The following FAM184B variants were observed in gnomAD, a reference collection of about 807,000 sequenced individuals.
The protein encoded by FAM184B is family with sequence similarity 184 member B, also known as protein FAM184B.
A neutral mutation model predicts 135.9 loss-of-function variants in FAM184B; 111 were observed. The observed-to-expected ratio is 0.82, with a 90% CI of 0.70 to 0.96. The LOEUF is 0.96. FAM184B is among the 40% of genes least tolerant of loss of function. The pLI is 0.00. For missense variants in FAM184B, 1,375 were observed against 1,323.9 expected, an observed-to-expected ratio of 1.04 and a Z score of -0.60; for synonymous variants, 552 against 524.8, an observed-to-expected ratio of 1.05 and a Z score of -0.71.
At chr4:17,702,735 C>T (rs1489796873) in intron 5 of FAM184B, among the ~76,000 whole-genome samples, 1 of 152,142 alleles carries the variant, frequency 6.6e-6, no homozygotes, top group Non-Finnish European at 1.5e-5. Context: ...GGACTCATGC[C>T]CCCTATTAAG....
At position 17,630,218 on chromosome 4, in the gene FAM184B, A is replaced by G. The variant is rs1328145148; in HGVS notation, c.*2314T>C. 6.6e-6 allele frequency: 1 copy of G among 152,172 alleles called. No homozygotes were observed. The highest frequency in any genetic ancestry group is 2.4e-5 in the African/African-American group (1 of 41,436). The allele number at this position is 152,172 out of a possible 1,614,324, so 9.4% of individuals were successfully genotyped here. ...AACCACCTGTATGTAGTCTTTTTGA[A>G]AGCACAAAATAAAGAGCAGTCCTAC... On this transcript the variant is annotated 3_prime_UTR_variant, in exon 18 of 18. Coordinates refer to ENST00000265018, the MANE Select transcript of FAM184B (RefSeq NM_015688.2).
intron 1 of FAM184B, among the ~76,000 whole-genome samples, chr4:17,768,720 T>C (rs1560197475): frequency 6.6e-6 from 1 of 152,234 alleles, no homozygotes; most frequent in Non-Finnish European, 1.5e-5. Flanking sequence ...TTTTTCCTAC[T>C]TTTCTTGCCT....
Position 17,633,835 on chromosome 4 carries a change from G to C in FAM184B, c.2943C>G (p.Ala981=), listed in dbSNP as rs1321877254. 16 of 1,551,448 alleles carry C rather than the reference G, an allele frequency of 1.0e-5. No individual in the cohort carries two copies. In the South Asian group the frequency reaches 1.8e-4, roughly 17 times the overall value. The change falls in exon 17 of 18, where the codon GCC becomes GCG. Residue 981 remains alanine, a synonymous_variant. Transcript: ENST00000265018. ...PSRVVSVPNL[A]SYAKNFLSGD... is the part of the protein sequence containing the mutation. ...CACTCAGAAAGTTCTTTGCATAGGA[G>C]GCGAGGTTCGGCACGCTGACCACGC...
intron 1 of FAM184B, among the ~76,000 whole-genome samples, chr4:17,773,688 C>T (rs994334605): frequency 1.3e-5 from 2 of 152,208 alleles, no homozygotes; most frequent in Admixed American, 6.5e-5. Flanking sequence ...AACAATTCTC[C>T]TGCCTCAGCC....
chr4:17,647,861 GTC>G, intron 11 of FAM184B, 70 bp from the exon 12 acceptor site: 1 of 1,475,768 alleles, frequency 6.8e-7, no homozygotes, highest in African/African-American at 1.4e-5. Flanking sequence ...GGGGACAACA[GTC>G]TCTGGGGTGG....
intron 1 of FAM184B, among the ~76,000 whole-genome samples, chr4:17,749,906 T>C (rs1015401567): frequency 2.2e-5 from 3 of 139,068 alleles, no homozygotes; most frequent in African/African-American, 7.7e-5. Context: ...TTTACCGTTA[T>C]AATGTAAGTG....
intron 7 of FAM184B, 124 bp from the exon 8 acceptor site, chr4:17,664,783 CT>C: frequency 1.4e-6 from 1 of 727,382 alleles, no homozygotes; most frequent in Non-Finnish European, 2.2e-6. Flanking sequence ...CAGCAACCCA[CT>C]ATCGGTGCCC....
intron 11 of FAM184B, 63 bp from the exon 12 acceptor site, chr4:17,647,854 G>C: frequency 1.3e-6 from 2 of 1,488,594 alleles, no homozygotes; most frequent in Non-Finnish European, 1.8e-6. Flanking sequence ...GTGTCATGGG[G>C]ACAACAGTCT....
intron 1 of FAM184B, among the ~76,000 whole-genome samples, chr4:17,761,741 G>A (rs142959436): frequency 2.0e-5 from 3 of 152,214 alleles, no homozygotes; most frequent in African/African-American, 4.8e-5. Flanking sequence ...GGCTGGTCTC[G>A]AACTCCTGAC....
chr4:17,647,367 C>T (rs1198443395), intron 12 of FAM184B, among the ~76,000 whole-genome samples: 2 of 151,770 alleles, frequency 1.3e-5, no homozygotes, highest in Non-Finnish European at 2.9e-5. Context: ...CCTCCTGCCT[C>T]AGACTCCCGA....
At chr4:17,722,929 G>A (rs536033104) in intron 1 of FAM184B, among the ~76,000 whole-genome samples, 9 of 152,156 alleles carry the variant, frequency 5.9e-5, no homozygotes, top group Admixed American at 2.0e-4. Flanking sequence ...TAATCCAAGC[G>A]GGAGCATCAA....
At chr4:17,729,927 C>G (rs539191100) in intron 1 of FAM184B, among the ~76,000 whole-genome samples, 1 of 152,124 alleles carries the variant, frequency 6.6e-6, no homozygotes. Context: ...ATGACTTTGA[C>G]GAGCTGAGAG....
At chr4:17,664,125 C>G (rs1577252503) in intron 8 of FAM184B, among the ~76,000 whole-genome samples, 2 of 152,156 alleles carry the variant, frequency 1.3e-5, no homozygotes, top group East Asian at 3.9e-4. Flanking sequence ...GGTAGCTCAT[C>G]TATGAGCTAA....
At chr4:17,751,650 C>T (rs2108988494) in intron 1 of FAM184B, among the ~76,000 whole-genome samples, 1 of 152,082 alleles carries the variant, frequency 6.6e-6, no homozygotes, top group African/African-American at 2.4e-5. Context: ...GTGGTTGAGC[C>T]TGGTTCTATC....
intron 1 of FAM184B, among the ~76,000 whole-genome samples, chr4:17,771,033 C>T (rs1487790184): frequency 1.3e-5 from 2 of 152,174 alleles, no homozygotes; most frequent in African/African-American, 2.4e-5. Flanking sequence ...TCTGTTCCTC[C>T]GTTGATGGAC....
intron 1 of FAM184B, among the ~76,000 whole-genome samples, chr4:17,736,802 C>T (rs1217132322): frequency 6.6e-6 from 1 of 152,192 alleles, no homozygotes; most frequent in Non-Finnish European, 1.5e-5. Context: ...AAGTCTCTAG[C>T]TGGGCTGCCA....
At chr4:17,757,083 A>T (rs1394901787) in intron 1 of FAM184B, among the ~76,000 whole-genome samples, 2 of 152,214 alleles carry the variant, frequency 1.3e-5, no homozygotes, top group Non-Finnish European at 2.9e-5. Flanking sequence ...ACTTGCTATG[A>T]AGTGTTCTTG....
intron 10 of FAM184B, among the ~76,000 whole-genome samples, chr4:17,656,008 G>A (rs898652153): frequency 6.6e-6 from 1 of 152,134 alleles, no homozygotes; most frequent in African/African-American, 2.4e-5. Context: ...TTGAACCCAG[G>A]CAGCCCATTC....
intron 3 of FAM184B, 114 bp from the exon 4 acceptor site, chr4:17,706,005 C>CAGGGCAGGAATTACACAGTGGA: frequency 1.5e-6 from 2 of 1,337,298 alleles, no homozygotes; most frequent in Non-Finnish European, 2.0e-6. Context: ...CCAACATCCC[C>CAGGGCAGGAATTACACAGTGGA]TGTGTAATTC....
Sources: gnomAD v4.1 joint callset for allele counts (sites outside exome capture counted in the v4.1 genomes callset) on GRCh38, gnomAD v4.1.1 for gene constraint, MANE v1.5 for transcripts, NCBI Gene and HGNC (gene_info 2026-07-23, HGNC 2026-07-21) for gene names.